Variants in EPM2A observed in about 807,000 individuals in gnomAD.
The protein encoded by EPM2A is EPM2A glucan phosphatase, laforin, also known as laforin.
Under a neutral mutation model 26.5 loss-of-function variants are expected in EPM2A, and 21 were observed. The observed-to-expected ratio is 0.79, with a 90% CI of 0.56 to 1.14. The LOEUF (loss-of-function observed/expected upper bound fraction) is 1.14. Ranked by LOEUF, EPM2A falls within the 50% of genes most tolerant of loss-of-function variation. EPM2A has a pLI of 0.00. For missense variants in EPM2A, 458 were observed against 440.8 expected, an observed-to-expected ratio of 1.04 and a Z score of -0.35; for synonymous variants, 217 against 177.6, an observed-to-expected ratio of 1.22 and a Z score of -1.76.
chr6:145,549,462 G>T (rs910490037), intron 2 of EPM2A, among the ~76,000 whole-genome samples: 1 of 152,068 alleles, frequency 6.6e-6, no homozygotes, highest in African/African-American at 2.4e-5. Flanking sequence ...GCCTCTAGAC[G>T]CAAGTAATTG....
chr6:145,502,675 T>A (rs549081717), intron 2 of EPM2A: 3 of 443,628 alleles, frequency 6.8e-6, no homozygotes, highest in South Asian at 4.8e-5. Flanking sequence ...ACCTTGAAAA[T>A]AAACAGTGAC....
intron 2 of EPM2A, among the ~76,000 whole-genome samples, chr6:145,565,587 A>G (rs1162027341): frequency 1.3e-5 from 2 of 152,200 alleles, no homozygotes; most frequent in Non-Finnish European, 1.5e-5. Flanking sequence ...CATGACCAAG[A>G]AACTTCACAG....
chr6:145,671,694 T>C (rs570039880), intron 2 of EPM2A, among the ~76,000 whole-genome samples: 1 of 152,182 alleles, frequency 6.6e-6, no homozygotes. Flanking sequence ...AGTAATTAAC[T>C]TCATTCATTT....
chr6:145,490,243 T>TA (rs1779737398), intron 4 of EPM2A: 1 of 1,253,128 alleles, frequency 8.0e-7, no homozygotes, highest in African/African-American at 1.5e-5. Flanking sequence ...ACAAGTCACA[T>TA]AAAGAACAAT....
chr6:145,569,984 G>A (rs1009805940), intron 2 of EPM2A, among the ~76,000 whole-genome samples: 3 of 152,174 alleles, frequency 2.0e-5, no homozygotes, highest in South Asian at 2.1e-4. Context: ...CTTGGAGCCC[G>A]ATGTTCGAGG....
At chr6:145,646,464 C>T (rs553281647) in intron 2 of EPM2A, among the ~76,000 whole-genome samples, 1 of 152,290 alleles carries the variant, frequency 6.6e-6, no homozygotes, top group South Asian at 2.1e-4. Context: ...GCGTGAACCA[C>T]TGCACTTGGC....
chr6:145,456,750 C>A (rs962292007), intron 4 of EPM2A, among the ~76,000 whole-genome samples: 4 of 152,232 alleles, frequency 2.6e-5, no homozygotes, highest in African/African-American at 7.2e-5. Context: ...CTTACATGAA[C>A]AACAGAATGA....
intron 2 of EPM2A, among the ~76,000 whole-genome samples, chr6:145,539,640 T>C (rs1300950159): frequency 2.6e-5 from 4 of 152,188 alleles, no homozygotes; most frequent in Non-Finnish European, 2.9e-5. Flanking sequence ...TTGGAACTTA[T>C]ATGAAAATTG....
intron 4 of EPM2A, among the ~76,000 whole-genome samples, chr6:145,469,540 T>C (rs1464454066): frequency 2.0e-5 from 3 of 151,952 alleles, no homozygotes; most frequent in East Asian, 1.9e-4. Context: ...CTGGCAAAGA[T>C]GTGAAAAAAA....
Position 145,625,498 on chromosome 6 carries a change from A to T in EPM2A, c.*1918T>A. The stretch of plus-strand genomic sequence containing the variant: ...AGATCTTTGTATCATGGAAATTATG[A>T]AGCTGGATTTCTTAGACATTAAAGA... On this transcript the variant is annotated 3_prime_UTR_variant, in exon 4 of 4. Transcript: ENST00000367519. The T allele has an allele frequency of 3.6e-6, 2 of 558,080 alleles. No homozygotes were observed. The highest frequency in any genetic ancestry group is 3.1e-5 in the Admixed American group (1 of 32,540). 34.6% of individuals were successfully genotyped at this position (558,080 alleles called of 1,614,324 possible). A position where few individuals can be genotyped will look rare whatever the true frequency, so the allele number is the denominator to read the frequency against.
At chr6:145,644,041 C>T (rs964914569) in intron 2 of EPM2A, among the ~76,000 whole-genome samples, 3 of 152,086 alleles carry the variant, frequency 2.0e-5, no homozygotes, top group African/African-American at 7.2e-5. Flanking sequence ...CCTTGGACCA[C>T]AGTTCGAGTA....
chr6:145,625,772 T>C lies in EPM2A; in HGVS notation c.*1644A>G. ...CTCCCCTAAGTGCCACAGTTCTATCTCCCCGTCCTCTGAGCTCCACTGAAA... is the reference window on the plus strand; with the variant it reads ...CTCCCCTAAGTGCCACAGTTCTATCCCCCCGTCCTCTGAGCTCCACTGAAA... On this transcript the variant is annotated 3_prime_UTR_variant, in exon 4 of 4. Transcript: ENST00000367519. 7.8e-7 allele frequency: 1 copy of C among 1,284,876 alleles called. No individual in the cohort carries two copies. Among genetic ancestry groups the C allele is most frequent in the Non-Finnish European group, 1.1e-6 (1 of 885,740 alleles). The allele number at this position is 1,284,876 out of a possible 1,614,324, so 79.6% of individuals were successfully genotyped here.
intron 2 of EPM2A, among the ~76,000 whole-genome samples, chr6:145,544,285 A>G (rs1025949873): frequency 6.6e-6 from 1 of 152,202 alleles, no homozygotes; most frequent in South Asian, 2.1e-4. Flanking sequence ...TCAGTGAAAG[A>G]GTGAGTCAGA....
At chr6:145,478,862 T>C (rs1313658065) in intron 4 of EPM2A, among the ~76,000 whole-genome samples, 1 of 151,856 alleles carries the variant, frequency 6.6e-6, no homozygotes, top group Non-Finnish European at 1.5e-5. Context: ...GTCTGTATGA[T>C]AATAATTTTA....
At chr6:145,468,131 T>C (rs1161665314) in intron 4 of EPM2A, among the ~76,000 whole-genome samples, 1 of 152,042 alleles carries the variant, frequency 6.6e-6, no homozygotes, top group Non-Finnish European at 1.5e-5. Flanking sequence ...ATATTGAGAG[T>C]AGATACTATC....
At chr6:145,414,919 A>T (rs1297392302) in intron 4 of EPM2A, among the ~76,000 whole-genome samples, 1 of 152,186 alleles carries the variant, frequency 6.6e-6, no homozygotes, top group Non-Finnish European at 1.5e-5. Flanking sequence ...CTTTCTAAAA[A>T]AGGTTATTTT....
intron 2 of EPM2A, among the ~76,000 whole-genome samples, chr6:145,593,350 C>A (rs188331779): frequency 6.6e-5 from 10 of 152,164 alleles, no homozygotes; most frequent in Admixed American, 3.3e-4. Context: ...CTTCAACACA[C>A]CTTTTCAGTA....
intron 2 of EPM2A, among the ~76,000 whole-genome samples, chr6:145,658,839 T>C (rs1384668796): frequency 6.6e-6 from 1 of 151,694 alleles, no homozygotes; most frequent in Admixed American, 6.6e-5. Flanking sequence ...CTTTCTATAC[T>C]TTTTTTTCCT....
intron 1 of EPM2A, among the ~76,000 whole-genome samples, chr6:145,701,750 A>G (rs1171943436): frequency 1.3e-5 from 2 of 152,220 alleles, no homozygotes; most frequent in African/African-American, 4.8e-5. Flanking sequence ...ATTTTGGAGG[A>G]TAAATCATAT....
Sources: gnomAD v4.1 joint callset for allele counts (sites outside exome capture counted in the v4.1 genomes callset) on GRCh38, gnomAD v4.1.1 for gene constraint, MANE v1.5 for transcripts, NCBI Gene and HGNC (gene_info 2026-07-23, HGNC 2026-07-21) for gene names.